The following ZNF730 variants were observed in gnomAD, a reference collection of about 807,000 sequenced individuals.
ZNF730 encodes zinc finger protein 730, also known as putative zinc finger protein 730.
A neutral mutation model predicts 12.6 loss-of-function variants in ZNF730; 12 were observed. The observed-to-expected ratio is 0.95, with a 90% CI of 0.61 to 1.54. The LOEUF is 1.54. Ranked by LOEUF, ZNF730 falls within the 40% of genes most tolerant of loss-of-function variation. The probability of loss-of-function intolerance (pLI) is 0.00; values close to 1 mark genes in which losing one functional copy is unlikely to be tolerated. For missense variants in ZNF730, 643 were observed against 583.5 expected (o/e 1.10, Z -1.05); for synonymous variants, 194 against 195.8 (o/e 0.99, Z 0.08).
intron 1 of ZNF730, 22 bp downstream of exon 1, chr19:23,117,198 C>T (rs1970540679): frequency 4.3e-6 from 7 of 1,613,790 alleles, no homozygotes; most frequent in East Asian, 4.5e-5. Context: ...GGTCCGACAT[C>T]CCGAGAGAGG....
chr19:23,116,328 C>CTTTTCTTTTCTTTTCT (rs869125151), upstream of ZNF730, among the ~76,000 whole-genome samples: 2 of 100,470 alleles, frequency 2.0e-5, no homozygotes, highest in East Asian at 5.0e-4. Flanking sequence ...TCTTTTCTTT[C>CTTTTCTTTTCTTTTCT]TTTCTTTCCT....
At chr19:23,078,788 C>G (rs1599561189) in intron 1 of ZNF730, among the ~76,000 whole-genome samples, 1 of 152,254 alleles carries the variant, frequency 6.6e-6, no homozygotes, top group East Asian at 1.9e-4. Flanking sequence ...ATTTTCCACT[C>G]TGTGCAATTT....
intron 1 of ZNF730, among the ~76,000 whole-genome samples, chr19:23,091,337 G>A (rs1970156646): frequency 6.6e-6 from 1 of 152,212 alleles, no homozygotes; most frequent in Admixed American, 6.5e-5. Context: ...CTAGGGCAGT[G>A]TGGAAGGGAA....
At chr19:23,087,360 A>T (rs1970080874) in intron 1 of ZNF730, among the ~76,000 whole-genome samples, 1 of 152,096 alleles carries the variant, frequency 6.6e-6, no homozygotes, top group Admixed American at 6.6e-5. Context: ...GTGAGTCGAG[A>T]TCGCACCACT....
intron 2 of ZNF730, among the ~76,000 whole-genome samples, 167 bp downstream of exon 2, chr19:23,134,373 C>G (rs1970792485): frequency 6.7e-6 from 1 of 148,260 alleles, no homozygotes; most frequent in Non-Finnish European, 1.5e-5. Context: ...GCCGCCCCGT[C>G]CGGGAGGGAG....
At chr19:23,085,932 G>A (rs1343058841) in intron 1 of ZNF730, among the ~76,000 whole-genome samples, 1 of 129,882 alleles carries the variant, frequency 7.7e-6, no homozygotes, top group African/African-American at 2.9e-5. Flanking sequence ...TGCAGCCTCC[G>A]CCTCCCAGGT....
chr19:23,106,028 A>G (rs1269542619), intron 1 of ZNF730, among the ~76,000 whole-genome samples: 1 of 152,220 alleles, frequency 6.6e-6, no homozygotes, highest in African/African-American at 2.4e-5. Flanking sequence ...TAGGCTTGAT[A>G]GCTCAAACCT....
In ZNF730 at chr19:23,145,330, C is replaced by A. The variant is rs775460281; in HGVS notation, c.286C>A (p.Gln96Lys). 13 of 1,590,658 alleles carry A rather than the reference C, an allele frequency of 8.2e-6. No homozygotes were observed. In the East Asian group the frequency reaches 2.7e-4, roughly 33 times the overall value. Residue 96 changes from glutamine (Q) to lysine (K), a missense_variant, in exon 4 of 4, where the codon CAA (glutamine) becomes AAA (lysine). Transcript: ENST00000597761. ...AGAGCAAGGCATAAAAGATTATTTC[C>A]AAGAAGTCATACTGAGACAATATAA... ...WPEQGIKDYF[Q>K]EVILRQYKKC...
Position 23,103,920 on chromosome 19 carries a change from A to G in ZNF730, c.-94+28533A>G, listed in dbSNP as rs529127667. Among the ~76,000 whole-genome samples, 3 of 152,318 alleles carry G rather than the reference A, an allele frequency of 2.0e-5. No individual in the cohort carries two copies. In the East Asian group the frequency reaches 5.8e-4, roughly 29 times the overall value. On this transcript the variant is annotated intron_variant, in intron 1 of 2. Coordinates refer to the ZNF730 transcript ENST00000593635. The stretch of plus-strand genomic sequence containing the variant: ...TTGTCTTGTCTTAATTATTTTTAAA[A>G]GATGGTTTATATTAAACTATAGAAC...
At chr19:23,107,896 T>C (rs1970414417) in intron 1 of ZNF730, among the ~76,000 whole-genome samples, 1 of 152,202 alleles carries the variant, frequency 6.6e-6, no homozygotes, top group Non-Finnish European at 1.5e-5. Flanking sequence ...TGGTATGTTT[T>C]TTATTTTAAG....
intron 3 of ZNF730, 192 bp downstream of exon 3, chr19:23,136,235 T>C (rs925519123): frequency 6.1e-6 from 2 of 330,238 alleles, no homozygotes; most frequent in Non-Finnish European, 1.0e-5. Context: ...TTATCTTTTT[T>C]AAAATCTCTA....
upstream of ZNF730, chr19:23,116,957 C>T (rs1311620380): frequency 8.3e-5 from 10 of 120,878 alleles, no homozygotes; most frequent in Admixed American, 3.5e-4. Context: ...ATCGGGGACA[C>T]TGGGCGGGGG....
intron 1 of ZNF730, among the ~76,000 whole-genome samples, chr19:23,130,246 G>T (rs781461684): frequency 1.3e-5 from 2 of 151,974 alleles, no homozygotes; most frequent in Admixed American, 1.3e-4. Flanking sequence ...TATAATGGTT[G>T]TAACAACGGG....
chr19:23,145,700 A>G lies in ZNF730; in HGVS notation c.656A>G (p.His219Arg), dbSNP rs1307049709. The change falls in exon 4 of 4, where the codon CAT becomes CGT. Residue 219 changes from histidine to arginine, a missense_variant. His to Arg is a conservative substitution (Grantham distance 29). Coordinates refer to ENST00000597761, the MANE Select transcript of ZNF730 (RefSeq NM_001277403.2). ...AATGAGTCCTCAAACTGTACTACAC[A>G]TAAAAGAATTACTGAGAAAAAACCT... ...AFNESSNCTT[H>R]KRITEKKPYK... is the part of the protein sequence containing the mutation. The G allele has an allele frequency of 4.5e-6, 7 of 1,555,758 alleles. No homozygotes were observed. Among genetic ancestry groups the G allele is most frequent in the Non-Finnish European group, 6.1e-6 (7 of 1,151,296 alleles).
intron 1 of ZNF730, among the ~76,000 whole-genome samples, chr19:23,097,164 T>G (rs1047987746): frequency 9.2e-5 from 14 of 152,168 alleles, no homozygotes; most frequent in African/African-American, 3.4e-4. Flanking sequence ...AAAAGTATTG[T>G]CACATATCAC....
chr19:23,085,836 CTTTTTT>C (rs556123915), intron 1 of ZNF730, among the ~76,000 whole-genome samples: 43 of 54,840 alleles, frequency 7.8e-4, no homozygotes, highest in African/African-American at 2.5e-3. Flanking sequence ...ATTTTTTTTT[CTTTTTT>C]TTTTTTTTTT....
chr19:23,145,140 A>G, intron 3 of ZNF730, 131 bp from the exon 4 acceptor site: 3 of 626,502 alleles, frequency 4.8e-6, no homozygotes, highest in Non-Finnish European at 7.3e-6. Flanking sequence ...TTATATGTTT[A>G]TGAAGAAATT....
intron 1 of ZNF730, among the ~76,000 whole-genome samples, chr19:23,089,779 C>T (rs967779120): frequency 6.6e-6 from 1 of 151,622 alleles, no homozygotes; most frequent in African/African-American, 2.4e-5. Flanking sequence ...TGGGGCCTTG[C>T]TGAAAAAAAA....
chr19:23,118,873 T>C (rs1181075880), intron 1 of ZNF730, among the ~76,000 whole-genome samples: 1 of 152,248 alleles, frequency 6.6e-6, no homozygotes, highest in Non-Finnish European at 1.5e-5. Context: ...TATGAAATCA[T>C]CGGTTGTTAT....
Sources: gnomAD v4.1 joint callset for allele counts (sites outside exome capture counted in the v4.1 genomes callset) on GRCh38, gnomAD v4.1.1 for gene constraint, MANE v1.5 for transcripts, NCBI Gene and HGNC (gene_info 2026-07-23, HGNC 2026-07-21) for gene names.